UGGT2: variants seen among roughly 807,000 people sequenced by gnomAD.
UGGT2 encodes UDP-glucose glycoprotein glucosyltransferase 2, also known as UDP-glucose:glycoprotein glucosyltransferase 2.
Under a neutral mutation model 192.1 loss-of-function variants are expected in UGGT2, and 180 were observed. The observed-to-expected ratio is 0.94, with a 90% CI of 0.83 to 1.06. The LOEUF (loss-of-function observed/expected upper bound fraction) is 1.06, where lower values mean the gene tolerates loss of function less well. Among genes scored for constraint, UGGT2 ranks in the 50% least tolerant of loss-of-function variants. The probability of loss-of-function intolerance (pLI) is 0.00; values close to 1 mark genes in which losing one functional copy is unlikely to be tolerated. For missense variants in UGGT2, 1,849 were observed against 1,795.7 expected (o/e 1.03, Z -0.54); for synonymous variants, 580 against 591.0 (o/e 0.98, Z 0.27).
At chr13:95,909,442 G>A (rs1460979354) in intron 20 of UGGT2, among the ~76,000 whole-genome samples, 2 of 151,414 alleles carry the variant, frequency 1.3e-5, no homozygotes, top group African/African-American at 4.9e-5. Flanking sequence ...ATGAGTTCAT[G>A]TCCTTTGTAG....
chr13:95,832,842 A>T (rs1886870377), intron 38 of UGGT2, 85 bp downstream of exon 38: 5 of 1,548,040 alleles, frequency 3.2e-6, no homozygotes, highest in Admixed American at 1.8e-5. Context: ...CATTTTATAA[A>T]TTCACTAAGA....
chr13:95,971,069 C>T (rs2050757791), intron 11 of UGGT2, among the ~76,000 whole-genome samples: 1 of 152,164 alleles, frequency 6.6e-6, no homozygotes, highest in African/African-American at 2.4e-5. Context: ...GAGGCTCTGG[C>T]TCCTCCCGCT....
At chr13:95,992,986 C>G (rs2051503640) in intron 7 of UGGT2, among the ~76,000 whole-genome samples, 1 of 152,168 alleles carries the variant, frequency 6.6e-6, no homozygotes, top group South Asian at 2.1e-4. Flanking sequence ...CATCATAGCA[C>G]TTATTCACAA....
intron 4 of UGGT2, among the ~76,000 whole-genome samples, chr13:96,020,308 G>C (rs1004364657): frequency 2.0e-5 from 3 of 152,118 alleles, no homozygotes; most frequent in African/African-American, 7.2e-5. Flanking sequence ...GAGTCAGGCA[G>C]GTGGCACTAT....
chr13:95,919,700 G>A (rs556431113), intron 20 of UGGT2, among the ~76,000 whole-genome samples: 79 of 152,146 alleles, frequency 5.2e-4, no homozygotes, highest in African/African-American at 1.8e-3. Context: ...AAAGGAAATC[G>A]GAGAGGACAC....
At chr13:95,860,945 A>G in intron 31 of UGGT2, 62 bp from the exon 32 acceptor site, 1 of 888,370 alleles carries the variant, frequency 1.1e-6, no homozygotes, top group South Asian at 2.3e-5. Flanking sequence ...GTATGCCTAA[A>G]TAGTAAATAT....
chr13:95,990,654 T>C (rs2051428024), intron 7 of UGGT2: 1 of 152,170 alleles, frequency 6.6e-6, no homozygotes, highest in Non-Finnish European at 1.5e-5. Context: ...AATCAAGACA[T>C]GGTGCCATTT....
intron 1 of UGGT2, among the ~76,000 whole-genome samples, chr13:96,032,202 T>C (rs2052858457): frequency 6.6e-6 from 1 of 152,164 alleles, no homozygotes; most frequent in African/African-American, 2.4e-5. Context: ...GGAAAAGGCT[T>C]CATGAGAAAT....
chr13:95,909,624 G>C, intron 20 of UGGT2, among the ~76,000 whole-genome samples: 1 of 101,062 alleles, frequency 9.9e-6, no homozygotes, highest in South Asian at 4.0e-4. Flanking sequence ...AGGGGGGAGG[G>C]ATAGCATCGG....
At chr13:95,849,542 C>T (rs930828525) in intron 36 of UGGT2, among the ~76,000 whole-genome samples, 2 of 103,932 alleles carry the variant, frequency 1.9e-5, no homozygotes, top group African/African-American at 7.5e-5. Context: ...GACTCTGTCT[C>T]AAAAAAAAAA....
chr13:95,980,435 G>A (rs2051081520), intron 10 of UGGT2, among the ~76,000 whole-genome samples: 1 of 151,998 alleles, frequency 6.6e-6, no homozygotes, highest in Admixed American at 6.6e-5. Flanking sequence ...TGATACATTG[G>A]ACTTTGGGGA....
intron 5 of UGGT2, among the ~76,000 whole-genome samples, chr13:96,007,100 T>C (rs893473892): frequency 6.6e-6 from 1 of 152,168 alleles, no homozygotes; most frequent in Non-Finnish European, 1.5e-5. Flanking sequence ...TGCACCATGA[T>C]CAAGTGAGAT....
chr13:95,973,741 T>C (rs2050849388), intron 10 of UGGT2, among the ~76,000 whole-genome samples: 1 of 152,218 alleles, frequency 6.6e-6, no homozygotes, highest in Admixed American at 6.5e-5. Flanking sequence ...AAGATCATGC[T>C]TGGTTTAATC....
chr13:96,001,584 A>G (rs1354496172), intron 5 of UGGT2, among the ~76,000 whole-genome samples: 1 of 152,182 alleles, frequency 6.6e-6, no homozygotes, highest in Non-Finnish European at 1.5e-5. Flanking sequence ...GATTCTCACA[A>G]CAGATGGGCA....
At chr13:96,026,004 T>C (rs2052652486) in intron 2 of UGGT2, among the ~76,000 whole-genome samples, 1 of 152,078 alleles carries the variant, frequency 6.6e-6, no homozygotes, top group Non-Finnish European at 1.5e-5. Context: ...GAGATTAATA[T>C]ATGTATACTT....
chr13:95,927,251 C>A lies in UGGT2; in HGVS notation c.2063G>T (p.Arg688Leu), dbSNP rs760274174. Residue 688 changes from arginine to leucine, a missense_variant, in exon 18 of 39, where the codon CGT (arginine) becomes CTT (leucine). Arg to Leu is a moderately radical substitution (Grantham distance 102). Transcript: ENST00000376747. ...TAAATTGAGGTACTGCTGGTTAGTACGCAAAATCAAAGTATTTATACGGGG... is the reference window on the plus strand; with the variant it reads ...TAAATTGAGGTACTGCTGGTTAGTAAGCAAAATCAAAGTATTTATACGGGG... ...VVPRINTLIL[R>L]TNQQYLNLIS... 1 of 1,612,078 alleles carries A rather than the reference C, an allele frequency of 6.2e-7. No homozygotes were observed. Among genetic ancestry groups the A allele is most frequent in the South Asian group, 1.1e-5 (1 of 90,962 alleles).
At chr13:95,966,191 C>T (rs563301940) in intron 12 of UGGT2, among the ~76,000 whole-genome samples, 17 of 152,268 alleles carry the variant, frequency 1.1e-4, no homozygotes, top group African/African-American at 3.6e-4. Context: ...GGTATATATT[C>T]ACAATGGAGT....
intron 19 of UGGT2, 120 bp from the exon 20 acceptor site, chr13:95,925,894 G>A (rs907272712): frequency 4.5e-5 from 26 of 583,470 alleles, no homozygotes; most frequent in Non-Finnish European, 6.7e-5. Flanking sequence ...GAAAAGCAAA[G>A]ATTTTTAAAA....
At chr13:95,979,862 T>C (rs1452036217) in intron 10 of UGGT2, among the ~76,000 whole-genome samples, 2 of 152,088 alleles carry the variant, frequency 1.3e-5, no homozygotes, top group African/African-American at 4.8e-5. Flanking sequence ...CAAAAGAAGA[T>C]ATACAAGTGG....
Sources: gnomAD v4.1 joint callset for allele counts (sites outside exome capture counted in the v4.1 genomes callset) on GRCh38, gnomAD v4.1.1 for gene constraint, MANE v1.5 for transcripts, NCBI Gene and HGNC (gene_info 2026-07-23, HGNC 2026-07-21) for gene names.